KIAA1217: variants seen among roughly 807,000 people sequenced by gnomAD.
KIAA1217 encodes the protein KIAA1217.
In KIAA1217, 88 loss-of-function variants were observed where a neutral mutation model predicts 163.9. That is an observed-to-expected ratio of 0.54 (90% confidence interval 0.45 to 0.64). KIAA1217 has a LOEUF of 0.64. Among genes scored for constraint, KIAA1217 ranks in the 30% least tolerant of loss-of-function variants. KIAA1217 has a pLI of 0.00. For missense variants in KIAA1217, 2,372 were observed against 2,475.0 expected (o/e 0.96, Z 0.88); for synonymous variants, 903 against 923.1 (o/e 0.98, Z 0.39).
At chr10:24,146,789 C>T (rs1022415727) in intron 2 of KIAA1217, among the ~76,000 whole-genome samples, 4 of 152,104 alleles carry the variant, frequency 2.6e-5, no homozygotes, top group African/African-American at 7.2e-5. Context: ...TCCACCTTTC[C>T]ACCTCCCAAA....
chr10:23,725,053 G>T (rs1281897476), intron 1 of KIAA1217, among the ~76,000 whole-genome samples: 1 of 152,042 alleles, frequency 6.6e-6, no homozygotes, highest in Non-Finnish European at 1.5e-5. Context: ...TTCATACAAG[G>T]TGCCTCCCCT....
At position 23,790,477 on chromosome 10, in the gene KIAA1217, G is replaced by A. The variant is rs751126424; in HGVS notation, c.-321+95243G>A. Among the ~76,000 whole-genome samples, 9 of 97,636 alleles carry A rather than the reference G, an allele frequency of 9.2e-5. 1 individual carries two copies. Among genetic ancestry groups the A allele is most frequent in the African/African-American group, 2.9e-4 (5 of 17,510 alleles). 64.1% of individuals were successfully genotyped at this position (97,636 alleles called of 152,430 possible). A position where few individuals can be genotyped will look rare whatever the true frequency, so the allele number is the denominator to read the frequency against. ...CATGTGCATATATACATATATACAT[G>A]TGCATATATACATATATACATGTGC... On this transcript the variant is annotated intron_variant, in intron 1 of 18. Transcript: ENST00000376462.
chr10:23,799,545 G>A (rs1337629072), intron 1 of KIAA1217, among the ~76,000 whole-genome samples: 3 of 152,134 alleles, frequency 2.0e-5, no homozygotes, highest in Non-Finnish European at 4.4e-5. Flanking sequence ...TGTGAAAATG[G>A]CAAAATGCTT....
Position 24,349,754 on chromosome 10 carries a change from C to T in KIAA1217, c.355-31115C>T, listed in dbSNP as rs189347557. Among the ~76,000 whole-genome samples the T allele has an allele frequency of 3.3e-5, 5 of 152,182 alleles. No homozygotes were observed. The South Asian group carries it at 6.2e-4, about 19-fold the overall frequency. ...GAACATCTTTAGATTATGAGAGCTT[C>T]GTGAAGAAATAAAGTACAGAAATGA... is the stretch of plus-strand genomic sequence containing the variant. On this transcript the variant is annotated intron_variant, in intron 2 of 20. Transcript: ENST00000376454.
At chr10:24,394,599 G>A (rs1240286206) in intron 3 of KIAA1217, among the ~76,000 whole-genome samples, 1 of 152,054 alleles carries the variant, frequency 6.6e-6, no homozygotes, top group African/African-American at 2.4e-5. Flanking sequence ...AAGACACATG[G>A]TAACTATGTA....
chr10:24,188,569 T>C (rs1377429186), intron 2 of KIAA1217, among the ~76,000 whole-genome samples: 1 of 152,228 alleles, frequency 6.6e-6, no homozygotes, highest in Non-Finnish European at 1.5e-5. Context: ...CTCTGCAGTA[T>C]TCAATAGGCT....
At chr10:24,240,310 G>C (rs1461037312) in intron 2 of KIAA1217, among the ~76,000 whole-genome samples, 2 of 152,144 alleles carry the variant, frequency 1.3e-5, no homozygotes, top group Non-Finnish European at 2.9e-5. Context: ...AGGTTAAAGC[G>C]GAGTTCAGAA....
chr10:23,995,696 A>C (rs1357046245), intron 1 of KIAA1217, among the ~76,000 whole-genome samples: 1 of 152,222 alleles, frequency 6.6e-6, no homozygotes, highest in Non-Finnish European at 1.5e-5. Flanking sequence ...TTGGAAGCAC[A>C]TTAAGTTTTT....
intron 2 of KIAA1217, among the ~76,000 whole-genome samples, chr10:24,312,096 G>A (rs1424619072): frequency 6.6e-6 from 1 of 152,100 alleles, no homozygotes; most frequent in Admixed American, 6.6e-5. Flanking sequence ...TGTAGGATCT[G>A]GGCTTCCTCC....
At chr10:24,236,017 C>A (rs1297070266) in intron 2 of KIAA1217, among the ~76,000 whole-genome samples, 1 of 152,120 alleles carries the variant, frequency 6.6e-6, no homozygotes, top group African/African-American at 2.4e-5. Flanking sequence ...AGCTCCAACA[C>A]TTAATAGCCA....
intron 12 of KIAA1217, among the ~76,000 whole-genome samples, chr10:24,523,506 T>C (rs1332489151): frequency 1.3e-5 from 2 of 152,060 alleles, no homozygotes; most frequent in Non-Finnish European, 2.9e-5. Context: ...AAAAGTAACA[T>C]AATAAAAAGG....
At chr10:24,506,708 G>C (rs544948362) in intron 9 of KIAA1217, among the ~76,000 whole-genome samples, 5 of 152,280 alleles carry the variant, frequency 3.3e-5, no homozygotes, top group Non-Finnish European at 7.3e-5. Flanking sequence ...AAAACCTACA[G>C]TTGACCCAGC....
At chr10:24,511,371 G>A (rs1248329666) in intron 9 of KIAA1217, among the ~76,000 whole-genome samples, 3 of 151,934 alleles carry the variant, frequency 2.0e-5, no homozygotes, top group East Asian at 1.9e-4. Context: ...GGCTGGGCAC[G>A]GTGGCTCATG....
At chr10:24,502,108 T>C (rs1262862539) in intron 9 of KIAA1217, among the ~76,000 whole-genome samples, 1 of 151,992 alleles carries the variant, frequency 6.6e-6, no homozygotes, top group African/African-American at 2.4e-5. Flanking sequence ...AGGGCATTTG[T>C]TTTTGGAGAA....
At chr10:23,780,098 A>G (rs1234305181) in intron 1 of KIAA1217, among the ~76,000 whole-genome samples, 1 of 152,214 alleles carries the variant, frequency 6.6e-6, no homozygotes, top group Non-Finnish European at 1.5e-5. Context: ...ACATAATAGG[A>G]AAAATATGAA....
At chr10:23,936,154 C>A (rs1379371613) in intron 1 of KIAA1217, among the ~76,000 whole-genome samples, 1 of 152,174 alleles carries the variant, frequency 6.6e-6, no homozygotes, top group African/African-American at 2.4e-5. Flanking sequence ...AGTAAATTAT[C>A]TGGCTACAGT....
chr10:24,353,812 C>T (rs1380694737), intron 2 of KIAA1217, among the ~76,000 whole-genome samples: 3 of 152,208 alleles, frequency 2.0e-5, no homozygotes, highest in East Asian at 3.8e-4. Flanking sequence ...ATGAGCATTA[C>T]ACTTCTTCAA....
chr10:24,542,592 G>A (rs547468649), intron 17 of KIAA1217, 101 bp from the exon 18 acceptor site: 26 of 1,564,904 alleles, frequency 1.7e-5, no homozygotes, highest in Middle Eastern at 1.7e-4. Context: ...TGCGTGGCCC[G>A]CATGTCTTAG....
At chr10:24,420,800 A>G (rs1229226910) in intron 3 of KIAA1217, among the ~76,000 whole-genome samples, 1 of 151,754 alleles carries the variant, frequency 6.6e-6, no homozygotes, top group Non-Finnish European at 1.5e-5. Flanking sequence ...GGTTTGTATG[A>G]CCTCTTCTGT....
Sources: gnomAD v4.1 joint callset for allele counts (sites outside exome capture counted in the v4.1 genomes callset) on GRCh38, gnomAD v4.1.1 for gene constraint, MANE v1.5 for transcripts, NCBI Gene and HGNC (gene_info 2026-07-23, HGNC 2026-07-21) for gene names.